CFAP299: variants seen among roughly 807,000 people sequenced by gnomAD.
The protein encoded by CFAP299 is cilia- and flagella-associated protein 299.
CFAP299 carries 21 observed loss-of-function variants against 27.0 expected under a neutral mutation model. That is an observed-to-expected ratio of 0.78 (90% CI 0.55 to 1.12). The LOEUF (loss-of-function observed/expected upper bound fraction) is 1.12, where lower values mean the gene tolerates loss of function less well. Among genes scored for constraint, CFAP299 ranks in the 50% most tolerant of loss-of-function variants. The pLI is 0.00. For missense variants in CFAP299, 310 were observed against 276.6 expected (o/e 1.12, Z -0.86); for synonymous variants, 104 against 98.1 (o/e 1.06, Z -0.36).
At chr4:80,670,080 C>A (rs1425536297) in intron 3 of CFAP299, among the ~76,000 whole-genome samples, 1 of 151,954 alleles carries the variant, frequency 6.6e-6, no homozygotes, top group Non-Finnish European at 1.5e-5. Context: ...TGTTGGTTTG[C>A]TGAACCCATT....
intron 2 of CFAP299, among the ~76,000 whole-genome samples, chr4:80,369,744 C>T (rs1361185180): frequency 2.0e-5 from 3 of 152,202 alleles, no homozygotes. Flanking sequence ...CAGTGAGACA[C>T]TTGCTGTTTT....
intron 3 of CFAP299, chr4:80,649,352 G>A (rs1305264194): frequency 6.6e-6 from 1 of 152,100 alleles, no homozygotes; most frequent in Non-Finnish European, 1.5e-5. Flanking sequence ...TGCCTATTGA[G>A]AAGCTTCTTC....
intron 5 of CFAP299, among the ~76,000 whole-genome samples, chr4:80,956,072 T>C (rs1265946001): frequency 6.6e-6 from 1 of 152,198 alleles, no homozygotes; most frequent in Non-Finnish European, 1.5e-5. Context: ...TTCCCACTTG[T>C]GGAAATTTAG....
At chr4:80,515,438 A>G (rs1732536516) in intron 2 of CFAP299, among the ~76,000 whole-genome samples, 1 of 152,166 alleles carries the variant, frequency 6.6e-6, no homozygotes, top group Non-Finnish European at 1.5e-5. Context: ...TGTAGGCACA[A>G]TCTTTCTTTA....
At chr4:80,717,142 C>T (rs570256182) in intron 3 of CFAP299, among the ~76,000 whole-genome samples, 1 of 151,990 alleles carries the variant, frequency 6.6e-6, no homozygotes, top group South Asian at 2.1e-4. Context: ...TTCAATATGT[C>T]AGGAAGAAAT....
At chr4:80,336,443 T>G (rs141052686) in intron 1 of CFAP299, 1 of 152,672 alleles carries the variant, frequency 6.5e-6, no homozygotes, top group Non-Finnish European at 1.5e-5. Flanking sequence ...TATTCCTGAT[T>G]CAAGTTTATC....
chr4:80,748,183 C>A (rs1433462401), intron 3 of CFAP299, among the ~76,000 whole-genome samples: 1 of 152,068 alleles, frequency 6.6e-6, no homozygotes, highest in Non-Finnish European at 1.5e-5. Context: ...CAGAATGTAT[C>A]CCTGTCATTA....
At chr4:80,904,664 G>C (rs941316921) in intron 4 of CFAP299, among the ~76,000 whole-genome samples, 7 of 152,006 alleles carry the variant, frequency 4.6e-5, no homozygotes, top group African/African-American at 1.4e-4. Context: ...ATAGGCTGTA[G>C]GTCAACCAGC....
rs540618076 is a variant in CFAP299 at position 80,419,538 on chromosome 4, A to T, written c.242+56654A>T. ...CTCCTGAGATCTTATCAGGAAGCTTATGATCAGGTTTTTTCTACCTATTGG... is the reference window on the plus strand; with the variant it reads ...CTCCTGAGATCTTATCAGGAAGCTTTTGATCAGGTTTTTTCTACCTATTGG... On this transcript the variant is annotated intron_variant, in intron 2 of 5. Transcript: ENST00000358105. Among the ~76,000 whole-genome samples the T allele has an allele frequency of 1.2e-4, 18 of 152,324 alleles. No homozygotes were observed. The East Asian group carries it at 3.3e-3, about 28-fold the overall frequency.
chr4:80,325,153 C>T, the CFAP299 span, among the ~76,000 whole-genome samples: 1 of 152,158 alleles, frequency 6.6e-6, no homozygotes, highest in African/African-American at 2.4e-5. Context: ...AAAATAAAAA[C>T]ATTAATGAAA....
At chr4:80,893,641 T>C (rs907133183) in intron 4 of CFAP299, among the ~76,000 whole-genome samples, 4 of 149,904 alleles carry the variant, frequency 2.7e-5, no homozygotes, top group South Asian at 2.1e-4. Context: ...TAAATGATAC[T>C]AGAAAAACTA....
At chr4:80,850,358 T>G (rs1337765196) in intron 3 of CFAP299, among the ~76,000 whole-genome samples, 1 of 151,960 alleles carries the variant, frequency 6.6e-6, no homozygotes, top group East Asian at 1.9e-4. Flanking sequence ...ATATCAGTAT[T>G]AATATGTTAT....
At chr4:80,870,224 T>G in intron 4 of CFAP299, 89 bp downstream of exon 4, 1 of 1,425,088 alleles carries the variant, frequency 7.0e-7, no homozygotes, top group Non-Finnish European at 9.3e-7. Context: ...TGCTAATGTA[T>G]ATATAACAGG....
intron 3 of CFAP299, among the ~76,000 whole-genome samples, chr4:80,601,460 C>A (rs1430134769): frequency 1.3e-5 from 2 of 151,954 alleles, no homozygotes; most frequent in Non-Finnish European, 2.9e-5. Flanking sequence ...TTCATTATGC[C>A]CCACCTACCT....
At chr4:80,428,685 C>A (rs1415914370) in intron 2 of CFAP299, among the ~76,000 whole-genome samples, 1 of 124,034 alleles carries the variant, frequency 8.1e-6, no homozygotes, top group Non-Finnish European at 1.7e-5. Context: ...TGCCACCATG[C>A]CTCGCTAATT....
At chr4:80,902,586 TACACACACACAC>T (rs3038572) in intron 4 of CFAP299, among the ~76,000 whole-genome samples, 11 of 126,670 alleles carry the variant, frequency 8.7e-5, no homozygotes, top group East Asian at 2.3e-4. Context: ...ATGTAATATA[TACACACACACAC>T]ACACACACAC....
chr4:80,592,029 T>C (rs1736814251), intron 3 of CFAP299, among the ~76,000 whole-genome samples: 1 of 152,228 alleles, frequency 6.6e-6, no homozygotes, highest in Admixed American at 6.5e-5. Context: ...TGTGTGCAAC[T>C]AAGAAAGCTA....
chr4:80,893,669 A>T (rs1206972115), intron 4 of CFAP299, among the ~76,000 whole-genome samples: 1 of 151,854 alleles, frequency 6.6e-6, no homozygotes, highest in Admixed American at 6.6e-5. Context: ...ACATGCAAAA[A>T]AAAAAAGAAA....
At chr4:80,373,503 C>T (rs1724255953) in intron 2 of CFAP299, among the ~76,000 whole-genome samples, 1 of 152,096 alleles carries the variant, frequency 6.6e-6, no homozygotes, top group South Asian at 2.1e-4. Context: ...GTGCATCGTG[C>T]TTTTTTACTG....
Sources: allele counts gnomAD v4.1 joint callset (sites outside exome capture counted in the v4.1 genomes callset), GRCh38; gene constraint gnomAD v4.1.1; transcripts MANE v1.5; gene names NCBI Gene and HGNC (gene_info 2026-07-23, HGNC 2026-07-21).